Variants in ITPR1 observed in about 807,000 individuals in gnomAD.
The protein encoded by ITPR1 is inositol 1,4,5-trisphosphate-gated calcium channel ITPR1.
In ITPR1, 96 loss-of-function variants were observed where a neutral mutation model predicts 318.4. The observed-to-expected ratio is 0.30, with a 90% CI of 0.26 to 0.36. The LOEUF (loss-of-function observed/expected upper bound fraction) is 0.36, where lower values mean the gene tolerates loss of function less well. Among genes scored for constraint, ITPR1 ranks in the 10% least tolerant of loss-of-function variants. The probability of loss-of-function intolerance (pLI) is 1.00; values close to 1 mark genes in which losing one functional copy is unlikely to be tolerated. For synonymous variants in ITPR1, 1,312 were observed against 1,289.9 expected, an observed-to-expected ratio of 1.02 and a Z score of -0.37; for missense variants, 2,440 against 3,460.2, an observed-to-expected ratio of 0.71 and a Z score of 7.40.
intron 5 of ITPR1, among the ~76,000 whole-genome samples, chr3:4,629,623 A>G (rs544112895): frequency 9.7e-4 from 148 of 152,388 alleles, no homozygotes; most frequent in African/African-American, 3.4e-3. Flanking sequence ...ATGAATGAGC[A>G]GTGTGCTAGG....
At chr3:4,709,985 T>C (rs2041232488) in intron 37 of ITPR1, among the ~76,000 whole-genome samples, 1 of 152,242 alleles carries the variant, frequency 6.6e-6, no homozygotes, top group Non-Finnish European at 1.5e-5. Flanking sequence ...TGTTTGACCT[T>C]TGTTATGCCC....
chr3:4,526,587 A>G (rs2082995988), intron 4 of ITPR1, among the ~76,000 whole-genome samples: 1 of 152,222 alleles, frequency 6.6e-6, no homozygotes, highest in Non-Finnish European at 1.5e-5. Flanking sequence ...AAGTTACAAT[A>G]GCCAATGTTA....
chr3:4,567,509 T>C (rs1198051893), intron 4 of ITPR1, among the ~76,000 whole-genome samples: 1 of 152,042 alleles, frequency 6.6e-6, no homozygotes, highest in Non-Finnish European at 1.5e-5. Flanking sequence ...AGATTAGAGA[T>C]AGGCGAATGA....
At chr3:4,664,224 A>G (rs2093897863) in intron 16 of ITPR1, among the ~76,000 whole-genome samples, 1 of 152,216 alleles carries the variant, frequency 6.6e-6, no homozygotes, top group African/African-American at 2.4e-5. Flanking sequence ...TCCGTAAAGA[A>G]TGAGTAGTGG....
chr3:4,606,644 T>C (rs1013953376), intron 4 of ITPR1, among the ~76,000 whole-genome samples: 1 of 152,140 alleles, frequency 6.6e-6, no homozygotes, highest in Non-Finnish European at 1.5e-5. Flanking sequence ...ATGTTAATTA[T>C]GTATTCGTCT....
rs760956810 is a variant in ITPR1 at position 4,653,852 on chromosome 3, A to G, written c.962A>G (p.Asp321Gly). ...ATTCTTTTTCATCAGGTAGACCCTGACTTTGAGGAAGAATGCCTGGAGTTT... is the reference window on the plus strand; with the variant it reads ...ATTCTTTTTCATCAGGTAGACCCTGGCTTTGAGGAAGAATGCCTGGAGTTT... ...GHYLAAEVDP[D>G]FEEECLEFQP... The change falls in exon 12 of 62, where the codon GAC becomes GGC. Residue 321 changes from aspartate to glycine, a missense_variant. Asp to Gly is a moderately conservative substitution (Grantham distance 94). Coordinates refer to ENST00000649015, the MANE Select transcript of ITPR1 (RefSeq NM_001378452.1). The G allele has an allele frequency of 2.5e-6, 4 of 1,610,468 alleles. No individual in the cohort carries two copies. The African/African-American group carries it at 5.3e-5, about 22-fold the overall frequency.
chr3:4,650,606 A>AGTGTGTGT (rs1177734281), intron 10 of ITPR1, among the ~76,000 whole-genome samples: 5 of 137,308 alleles, frequency 3.6e-5, no homozygotes, highest in African/African-American at 1.6e-4. Context: ...GATATGCCTT[A>AGTGTGTGT]GTGTGTGTGT....
At chr3:4,813,430 C>T (rs950852180) in intron 57 of ITPR1, among the ~76,000 whole-genome samples, 196 bp downstream of exon 57, 2 of 152,084 alleles carry the variant, frequency 1.3e-5, no homozygotes, top group Non-Finnish European at 2.9e-5. Flanking sequence ...GTGATTCAGC[C>T]GATTTATACT....
chr3:4,647,978 C>T (rs1423295689), intron 10 of ITPR1, among the ~76,000 whole-genome samples: 1 of 152,002 alleles, frequency 6.6e-6, no homozygotes, highest in Non-Finnish European at 1.5e-5. Context: ...ATGGAGAAAC[C>T]CTGTCTCTAC....
At chr3:4,611,800 A>T (rs897487517) in intron 4 of ITPR1, among the ~76,000 whole-genome samples, 56 of 152,228 alleles carry the variant, frequency 3.7e-4, no homozygotes, top group African/African-American at 1.2e-3. Context: ...CTTGGTTTTT[A>T]TGAAAATTTT....
rs141017017 is a variant in ITPR1, at chr3:4,516,132, G to A, written c.-16-344G>A. Reference sequence around the variant, plus strand: ...GTCAGACTTTCCAGGTAACTCCCTAGTCACTGCCACGTTCTTGGCTGAGTT... The same window carrying A: ...GTCAGACTTTCCAGGTAACTCCCTAATCACTGCCACGTTCTTGGCTGAGTT... On this transcript the variant is annotated intron_variant, in intron 2 of 61. Coordinates refer to ENST00000649015, the MANE Select transcript of ITPR1 (RefSeq NM_001378452.1). 8.9e-3 allele frequency among the ~76,000 whole-genome samples: 1,359 copies of A among 152,290 alleles called. 23 individuals carry two copies. The highest frequency in any genetic ancestry group is 0.031 in the African/African-American group (1,276 of 41,556).
At position 4,807,769 on chromosome 3, in the gene ITPR1, G is replaced by A. The variant is rs532705030; in HGVS notation, c.7272+1502G>A. 1.4e-4 allele frequency among the ~76,000 whole-genome samples: 22 copies of A among 152,274 alleles called. No individual in the cohort carries two copies. In the East Asian group the frequency reaches 2.7e-3, roughly 19 times the overall value. On this transcript the variant is annotated intron_variant, in intron 55 of 61. Coordinates refer to ENST00000649015, the MANE Select transcript of ITPR1 (RefSeq NM_001378452.1). ...ATATCCTTGTGATTCCCATTATGTC[G>A]CCTATTTTGGTCACTTTGTATCAGA...
chr3:4,699,864 T>C lies in ITPR1; in HGVS notation c.4459T>C (p.Tyr1487His). The part of the protein sequence containing the change: ...RKHADSILEK[Y>H]VTEIVMSIVT... ...ACATGCAGACTCGATTTTGGAGAAG[T>C]ATGTCACCGAAATCGTCATGAGTAT... The change falls in exon 35 of 62, where the codon TAT (tyrosine) becomes CAT (histidine). Residue 1487 changes from tyrosine (Y) to histidine (H), a missense_variant. Transcript: ENST00000649015. 1 of 1,613,672 alleles carries C rather than the reference T, an allele frequency of 6.2e-7. No homozygotes were observed. The highest frequency in any genetic ancestry group is 8.5e-7 in the Non-Finnish European group (1 of 1,179,624).
chr3:4,699,923 C>T lies in ITPR1; in HGVS notation c.4518C>T (p.Asp1506=). ...VTTFFSSPFS[D]QSTTLQTRQP... is the part of the protein sequence containing the mutation. ...CTTTCTTCAGCTCTCCCTTCTCAGA[C>T]CAGAGTACGACTTTGCAGGTAAGAA... is the stretch of plus-strand genomic sequence containing the variant. Residue 1506 remains aspartate (D), a synonymous_variant, in exon 35 of 62, where the codon GAC becomes GAT. Coordinates refer to ENST00000649015, the MANE Select transcript of ITPR1 (RefSeq NM_001378452.1). The T allele has an allele frequency of 1.2e-6, 2 of 1,613,762 alleles. No individual in the cohort carries two copies. The highest frequency in any genetic ancestry group is 1.3e-5 in the African/African-American group (1 of 75,052).
At chr3:4,681,558 C>G (rs556076212) in intron 26 of ITPR1, 140 bp downstream of exon 26, 100 of 646,554 alleles carry the variant, frequency 1.5e-4, no homozygotes, top group Non-Finnish European at 2.6e-4. Flanking sequence ...TGTTAGTACT[C>G]AAGTCAGAGT....
At chr3:4,661,166 GTA>G in intron 14 of ITPR1, 79 bp downstream of exon 14, 1 of 777,556 alleles carries the variant, frequency 1.3e-6, no homozygotes, top group Non-Finnish European at 2.2e-6. Context: ...AGATCAGGGA[GTA>G]TGGAGCGTGG....
At chr3:4,814,689 T>A in intron 58 of ITPR1, 127 bp downstream of exon 58, 1 of 833,354 alleles carries the variant, frequency 1.2e-6, no homozygotes, top group Non-Finnish European at 1.9e-6. Flanking sequence ...GCTGAGTAGC[T>A]GCGGAACTAG....
chr3:4,652,106 G>T lies in ITPR1; in HGVS notation c.856-17G>T. ...GTAGGTTGACATTTCATTGACTCCTGTTGATCATTCTTGCAGGTGGTCCAG... is the reference window on the plus strand; with the variant it reads ...GTAGGTTGACATTTCATTGACTCCTTTTGATCATTCTTGCAGGTGGTCCAG... On this transcript the variant is annotated splice_polypyrimidine_tract_variant and intron_variant, in intron 10 of 61. Coordinates refer to ENST00000649015, the MANE Select transcript of ITPR1 (RefSeq NM_001378452.1). 6.3e-7 allele frequency: 1 copy of T among 1,593,946 alleles called. No individual in the cohort carries two copies. The highest frequency in any genetic ancestry group is 8.6e-7 in the Non-Finnish European group (1 of 1,165,344).
intron 34 of ITPR1, 55 bp downstream of exon 34, chr3:4,697,327 T>TGA: frequency 7.5e-7 from 1 of 1,331,852 alleles, no homozygotes; most frequent in African/African-American, 1.6e-5. Flanking sequence ...TGTGTGTGTG[T>TGA]GTGTGTGTGT....
Sources: allele counts gnomAD v4.1 joint callset (sites outside exome capture counted in the v4.1 genomes callset), GRCh38; gene constraint gnomAD v4.1.1; transcripts MANE v1.5; gene names NCBI Gene and HGNC (gene_info 2026-07-23, HGNC 2026-07-21).